TPM1: variants seen among roughly 807,000 people sequenced by gnomAD.
TPM1 encodes tropomyosin alpha-1 chain.
In TPM1, 24 loss-of-function variants were observed where a neutral mutation model predicts 42.9. The ratio of observed to expected loss-of-function variants is 0.56; its 90% CI spans 0.41 to 0.79. The LOEUF is 0.79. Ranked by LOEUF, TPM1 falls within the 30% of genes least tolerant of loss-of-function variation. The pLI is 0.00. For missense variants in TPM1, 158 were observed against 351.8 expected, an observed-to-expected ratio of 0.45 and a Z score of 4.41; for synonymous variants, 136 against 130.1, an observed-to-expected ratio of 1.05 and a Z score of -0.31.
At chr15:63,048,399 C>G (rs975675050) in intron 2 of TPM1, 10 of 1,356,948 alleles carry the variant, frequency 7.4e-6, no homozygotes, top group Non-Finnish European at 5.6e-6. Context: ...TCTGCGCAGC[C>G]CTGGAGGCTG....
Position 63,042,864 on chromosome 15 carries a change from A to C in TPM1, c.35A>C (p.Lys12Thr). 1 of 1,613,364 alleles carries C rather than the reference A, an allele frequency of 6.2e-7. No homozygotes were observed. Among genetic ancestry groups the C allele is most frequent in the Non-Finnish European group, 8.5e-7 (1 of 1,179,482 alleles). ...DAIKKKMQML[K>T]LDKENALDRA... is the part of the protein sequence containing the mutation. ...ATCAAGAAGAAGATGCAGATGCTGA[A>C]GCTCGACAAGGAGAACGCCTTGGAT... The change falls in exon 1 of 10, where the codon AAG becomes ACG. Residue 12 changes from lysine (K) to threonine (T), a missense_variant. Lys to Thr is a moderately conservative substitution (Grantham distance 78, BLOSUM62 -1). Transcript: ENST00000403994.
At chr15:63,053,321 A>G (rs1223410340) in intron 2 of TPM1, among the ~76,000 whole-genome samples, 2 of 152,146 alleles carry the variant, frequency 1.3e-5, no homozygotes, top group African/African-American at 2.4e-5. Flanking sequence ...GCCGGAGAAC[A>G]TCTCAATCTG....
chr15:63,068,731 G>A (rs910991252), downstream of TPM1, among the ~76,000 whole-genome samples: 4 of 152,136 alleles, frequency 2.6e-5, no homozygotes, highest in African/African-American at 4.8e-5. Context: ...GTTTTCCCCC[G>A]TAAGCAGATC....
chr15:63,048,952 G>T, intron 2 of TPM1: 1 of 588,126 alleles, frequency 1.7e-6, no homozygotes, highest in South Asian at 1.8e-5. Flanking sequence ...GGGTGGTGTT[G>T]AGAAGGTTCT....
At position 63,063,897 on chromosome 15, in the gene TPM1, A is replaced by C. The variant is rs868700249; in HGVS notation, c.773-167A>C. On this transcript the variant is annotated intron_variant, in intron 8 of 9. Coordinates refer to ENST00000403994, the MANE Select transcript of TPM1 (RefSeq NM_001018005.2). Reference sequence around the variant, plus strand: ...TTTTTGTTTCAATTTACTTAAAACAAAACGCACGCCTCCTGCATTGGCCAC... The same window carrying C: ...TTTTTGTTTCAATTTACTTAAAACACAACGCACGCCTCCTGCATTGGCCAC... 1.4e-5 allele frequency: 12 copies of C among 863,254 alleles called. No homozygotes were observed. The Middle Eastern group carries it at 2.8e-3, about 198-fold the overall frequency. 53.5% of individuals were successfully genotyped at this position (863,254 alleles called of 1,614,324 possible). A position where few individuals can be genotyped will look rare whatever the true frequency, so the allele number is the denominator to read the frequency against.
chr15:63,048,114 G>T (rs777212630), intron 2 of TPM1: 2 of 419,934 alleles, frequency 4.8e-6, no homozygotes, highest in Non-Finnish European at 9.4e-6. Flanking sequence ...ATCTGGACTC[G>T]GGAGCGGAGC....
Position 63,042,795 on chromosome 15 carries a change from C to G in TPM1, c.-35C>G, listed in dbSNP as rs749050935. ...CGACCGCGCGCTCGCCCCGCCGCTC[C>G]TGCTGCAGCCCCAGGGCCCCTCGCC... is the stretch of plus-strand genomic sequence containing the variant. On this transcript the variant is annotated 5_prime_UTR_variant, in exon 1 of 10. Transcript: ENST00000403994. 8.8e-6 allele frequency: 14 copies of G among 1,589,186 alleles called. No homozygotes were observed. In the Admixed American group the frequency reaches 2.0e-4, roughly 23 times the overall value.
intron 2 of TPM1, among the ~76,000 whole-genome samples, chr15:63,051,554 T>C (rs1484043519): frequency 6.6e-6 from 1 of 152,100 alleles, no homozygotes; most frequent in Non-Finnish European, 1.5e-5. Context: ...TTTTCCCCCC[T>C]TTCCTTACCA....
chr15:63,043,810 C>T (rs2031760948), intron 1 of TPM1: 4 of 1,548,820 alleles, frequency 2.6e-6, no homozygotes, highest in African/African-American at 2.7e-5. Context: ...GCCTCCTGGC[C>T]GCCGAAGAGG....
chr15:63,061,217 G>T, intron 5 of TPM1: 1 of 1,614,208 alleles, frequency 6.2e-7, no homozygotes, highest in South Asian at 1.1e-5. Flanking sequence ...ACAGCTGGAA[G>T]AACAATTAAG....
chr15:63,059,480 G>A, intron 3 of TPM1, 83 bp from the exon 4 acceptor site: 1 of 1,094,458 alleles, frequency 9.1e-7, no homozygotes, highest in East Asian at 2.6e-5. Flanking sequence ...CTTACACTAA[G>A]CCTCACAAGC....
chr15:63,060,652 C>G (rs2035486214), intron 4 of TPM1, among the ~76,000 whole-genome samples: 1 of 152,240 alleles, frequency 6.6e-6, no homozygotes, highest in Non-Finnish European at 1.5e-5. Flanking sequence ...TGCCCAATCA[C>G]AGCTAACCAT....
At chr15:63,050,535 C>T (rs565854047) in intron 2 of TPM1, among the ~76,000 whole-genome samples, 5 of 152,322 alleles carry the variant, frequency 3.3e-5, no homozygotes, top group Admixed American at 6.5e-5. Flanking sequence ...CTCTTTTGCA[C>T]GTCGTTTTTA....
rs111891697 is a variant in TPM1 at position 63,065,895 on chromosome 15, G to A, written c.852-1G>A. On this transcript the variant is annotated splice_acceptor_variant, in intron 9 of 9. Transcript: ENST00000403994. LOFTEE classifies it high-confidence loss of function. ...CCTCCCACCTTTTTATCTTCACGCA[G>A]ATAAGTTTCTTTGCTTCACTTCTCC... The A allele has an allele frequency of 6.2e-7, 1 of 1,604,896 alleles. No individual in the cohort carries two copies. The highest frequency in any genetic ancestry group is 2.2e-5 in the East Asian group (1 of 44,676).
At chr15:63,055,245 G>A (rs1179945592) in intron 2 of TPM1, among the ~76,000 whole-genome samples, 1 of 152,148 alleles carries the variant, frequency 6.6e-6, no homozygotes, top group Non-Finnish European at 1.5e-5. Flanking sequence ...TTTCACATTT[G>A]CCCTGCTCCC....
At chr15:63,049,289 A>G (rs866604136) in intron 2 of TPM1, 1 of 164,272 alleles carries the variant, frequency 6.1e-6, no homozygotes, top group South Asian at 1.4e-4. Context: ...GCTAAACTAT[A>G]GTGCAAAACC....
chr15:63,054,787 A>G (rs2034509495), intron 2 of TPM1, among the ~76,000 whole-genome samples: 1 of 152,158 alleles, frequency 6.6e-6, no homozygotes, highest in South Asian at 2.1e-4. Flanking sequence ...TACATAACCT[A>G]GACACTCTAT....
chr15:63,059,925 C>T (rs534676735), intron 4 of TPM1: 1 of 373,048 alleles, frequency 2.7e-6, no homozygotes, highest in East Asian at 6.8e-5. Flanking sequence ...CTCCTCTCCC[C>T]CAGCCACAAA....
downstream of TPM1, chr15:63,070,179 A>G: frequency 7.6e-7 from 1 of 1,321,918 alleles, no homozygotes; most frequent in South Asian, 1.5e-5. Context: ...ATATCAATTC[A>G]GCACTGCTCC....
Sources: allele counts gnomAD v4.1 joint callset (sites outside exome capture counted in the v4.1 genomes callset), GRCh38; gene constraint gnomAD v4.1.1; transcripts MANE v1.5; gene names NCBI Gene and HGNC (gene_info 2026-07-23, HGNC 2026-07-21).